The following PPP2R5D variants were observed in gnomAD, a reference collection of about 807,000 sequenced individuals.
PPP2R5D encodes protein phosphatase 2 regulatory subunit B'delta.
A neutral mutation model predicts 79.1 loss-of-function variants in PPP2R5D; 12 were observed. That is an observed-to-expected ratio of 0.15 (90% CI 0.10 to 0.25). The LOEUF (loss-of-function observed/expected upper bound fraction) is 0.25. Ranked by LOEUF, PPP2R5D falls within the 10% of genes least tolerant of loss-of-function variation. PPP2R5D has a pLI of 1.00. For missense variants in PPP2R5D, 419 were observed against 760.2 expected (o/e 0.55, Z 5.28); for synonymous variants, 277 against 286.6 (o/e 0.97, Z 0.34).
intron 2 of PPP2R5D, among the ~76,000 whole-genome samples, chr6:42,990,340 C>T (rs910981455): frequency 6.6e-6 from 1 of 152,158 alleles, no homozygotes; most frequent in Non-Finnish European, 1.5e-5. Flanking sequence ...AGCGAGCATC[C>T]ACCACATCCT....
chr6:42,998,011 T>TAATATATATA lies in PPP2R5D; in HGVS notation c.105+8323_105+8324insAATATATATA, dbSNP rs1189100610. On this transcript the variant is annotated intron_variant, in intron 2 of 15. Coordinates refer to ENST00000485511, the MANE Select transcript of PPP2R5D (RefSeq NM_006245.4). Reference sequence around the variant, plus strand: ...TTATTTATATTTGAATATTTGGGTTTTATTTATATATATATATATATATAT... The same window carrying TAATATATATA: ...TTATTTATATTTGAATATTTGGGTTTAATATATATATATTTATATATATATATATATATAT... Among the ~76,000 whole-genome samples the TAATATATATA allele has an allele frequency of 1.4e-4, 10 of 72,590 alleles. 1 individual carries two copies. Among genetic ancestry groups the TAATATATATA allele is most frequent in the African/African-American group, 8.5e-4 (10 of 11,764 alleles). The allele number at this position is 72,590 out of a possible 152,430, so 47.6% of individuals were successfully genotyped here.
At chr6:43,004,007 C>T (rs1581843914) in intron 2 of PPP2R5D, among the ~76,000 whole-genome samples, 1 of 151,212 alleles carries the variant, frequency 6.6e-6, no homozygotes, top group East Asian at 2.0e-4. Context: ...CGTGAGCCAC[C>T]GCGCCCGGCC....
In PPP2R5D at chr6:43,010,594, CT is replaced by C. The variant is rs762650778; in HGVS notation, c.1481+28del. 2.5e-6 allele frequency: 4 copies of C among 1,612,780 alleles called. No individual in the cohort carries two copies. In the African/African-American group the frequency reaches 4.0e-5, roughly 16 times the overall value. On this transcript the variant is annotated intron_variant, in intron 13 of 15. Coordinates refer to ENST00000485511, the MANE Select transcript of PPP2R5D (RefSeq NM_006245.4). This position sits in a 1 kb window ranked among gnomAD's most constrained non-coding sequence, Gnocchi z 4.7. ...AGTGAGTATCTCTCTCCCCGGGAGA[CT>C]TTCATCTTCTACCACCAGCTCACTG...
At chr6:42,993,124 C>G (rs368446457) in intron 2 of PPP2R5D, among the ~76,000 whole-genome samples, 3 of 152,148 alleles carry the variant, frequency 2.0e-5, no homozygotes, top group East Asian at 3.9e-4. Flanking sequence ...TAGTGAAACC[C>G]TGTCTCTACT....
Position 42,984,579 on chromosome 6 carries a change from A to G in PPP2R5D, c.-99A>G, listed in dbSNP as rs529134278. ...ACCGCTCGACCCGGGCGCAGCGCGC[A>G]GGCGGTGGCGAAGAGACGCCGAGCG... On this transcript the variant is annotated 5_prime_UTR_variant, in exon 1 of 16. Transcript: ENST00000485511. The G allele has an allele frequency of 2.7e-6, 4 of 1,464,158 alleles. No homozygotes were observed. Among genetic ancestry groups the G allele is most frequent in the Admixed American group, 5.6e-5 (2 of 35,906 alleles). The allele number at this position is 1,464,158 out of a possible 1,614,324, so 90.7% of individuals were successfully genotyped here.
chr6:42,992,209 G>A (rs879775568), intron 2 of PPP2R5D, among the ~76,000 whole-genome samples: 2 of 152,090 alleles, frequency 1.3e-5, no homozygotes, highest in Non-Finnish European at 1.5e-5. Flanking sequence ...ACAGGCTCCC[G>A]CCACCACGCC....
Position 43,011,634 on chromosome 6 carries a change from T to G in PPP2R5D, c.*348T>G. The G allele has an allele frequency of 3.6e-6, 1 of 276,840 alleles. No individual in the cohort carries two copies. The highest frequency in any genetic ancestry group is 6.9e-6 in the Non-Finnish European group (1 of 144,238). The allele number at this position is 276,840 out of a possible 1,614,324, so 17.1% of individuals were successfully genotyped here. A position where few individuals can be genotyped will look rare whatever the true frequency, so the allele number is the denominator to read the frequency against. ...ATACGCTCCTCTATTCTTCCCTTCATCCTCATTTGAACGCCAGGTATCTCC... is the reference window on the plus strand; with the variant it reads ...ATACGCTCCTCTATTCTTCCCTTCAGCCTCATTTGAACGCCAGGTATCTCC... On this transcript the variant is annotated 3_prime_UTR_variant, in exon 16 of 16. Transcript: ENST00000485511.
At chr6:42,998,640 G>A (rs1227265696) in intron 2 of PPP2R5D, among the ~76,000 whole-genome samples, 1 of 152,128 alleles carries the variant, frequency 6.6e-6, no homozygotes, top group East Asian at 1.9e-4. Context: ...GCTCACACCT[G>A]TAATCCCAGC....
rs776013892 is a variant in PPP2R5D at position 43,006,997 on chromosome 6, A to G, written c.409A>G (p.Ser137Gly). The change falls in exon 4 of 16, where the codon AGT becomes GGT. Residue 137 changes from serine to glycine, a missense_variant. This residue lies in a region of PPP2R5D where 29 missense variants were observed against 64.2 expected (regional missense o/e 0.45). Transcript: ENST00000485511. The surrounding 1 kb of genome is among the most constrained non-coding windows in gnomAD (Gnocchi z 4.7). ...VLFDFVSDPL[S>G]DLKFKEVKRA... ...CTTTGACTTCGTGTCAGACCCACTC[A>G]GTGACCTCAAATTCAAGGAGGTGAA... 5 of 1,614,166 alleles carry G rather than the reference A, an allele frequency of 3.1e-6. No homozygotes were observed. The highest frequency in any genetic ancestry group is 1.7e-5 in the Admixed American group (1 of 60,024).
In PPP2R5D at chr6:43,011,553, C is replaced by T; in HGVS notation, c.*267C>T. ...ACAACCTGGGGATGCCTGTCCCCTA[C>T]CTGCTCCTCACCCACAGCTACCTGA... On this transcript the variant is annotated 3_prime_UTR_variant, in exon 16 of 16. Transcript: ENST00000485511. 1 of 521,524 alleles carries T rather than the reference C, an allele frequency of 1.9e-6. No homozygotes were observed. Among genetic ancestry groups the T allele is most frequent in the Non-Finnish European group, 3.5e-6 (1 of 289,490 alleles). 32.3% of individuals were successfully genotyped at this position (521,524 alleles called of 1,614,324 possible). A position where few individuals can be genotyped will look rare whatever the true frequency, so the allele number is the denominator to read the frequency against.
Position 43,006,551 on chromosome 6 carries a change from C to T in PPP2R5D, c.194C>T (p.Pro65Leu). 6.2e-7 allele frequency: 1 copy of T among 1,614,170 alleles called. No homozygotes were observed. Among genetic ancestry groups the T allele is most frequent in the Non-Finnish European group, 8.5e-7 (1 of 1,180,042 alleles). Residue 65 changes from proline (P) to leucine (L), a missense_variant, in exon 3 of 16, where the codon CCC becomes CTC. This residue lies in a region of PPP2R5D where 110 missense variants were observed against 147.6 expected (regional missense o/e 0.75). Coordinates refer to ENST00000485511, the MANE Select transcript of PPP2R5D (RefSeq NM_006245.4). The surrounding 1 kb of genome is among the most constrained non-coding windows in gnomAD (Gnocchi z 4.7). The stretch of plus-strand genomic sequence containing the variant: ...AAGCGTCCCAGCAATAGCACGCCGC[C>T]CCCCACGCAGCTCAGCAAAATCAAG... ...SNKRPSNSTP[P>L]PTQLSKIKYS...
chr6:42,996,672 C>T lies in PPP2R5D; in HGVS notation c.105+6984C>T, dbSNP rs75004788. Among the ~76,000 whole-genome samples the T allele has an allele frequency of 5.7e-3, 862 of 152,246 alleles. 7 individuals are homozygous for T. Among genetic ancestry groups the T allele is most frequent in the African/African-American group, 0.02 (822 of 41,550 alleles). ...CTGTGAGCTCTTTGATGGCAAGGGC[C>T]ATGTCTTAGTCACCTTTTAATCTTT... is the stretch of plus-strand genomic sequence containing the variant. On this transcript the variant is annotated intron_variant, in intron 2 of 15. Coordinates refer to ENST00000485511, the MANE Select transcript of PPP2R5D (RefSeq NM_006245.4).
Position 43,012,332 on chromosome 6 carries a change from G to C in PPP2R5D, c.*1046G>C. On this transcript the variant is annotated 3_prime_UTR_variant, in exon 16 of 16. Transcript: ENST00000485511. The stretch of plus-strand genomic sequence containing the variant: ...ATATGTACAGAACTGAATAAAGTGG[G>C]TCTCTGAGAAGTCTGATGTGCCTTG... 6.8e-7 allele frequency: 1 copy of C among 1,471,946 alleles called. No homozygotes were observed. Among genetic ancestry groups the C allele is most frequent in the African/African-American group, 1.4e-5 (1 of 70,826 alleles). The allele number at this position is 1,471,946 out of a possible 1,614,324, so 91.2% of individuals were successfully genotyped here.
Position 43,011,404 on chromosome 6 carries a change from CAAGG to C in PPP2R5D, c.*119_*122del. 1 of 1,377,362 alleles carries C rather than the reference CAAGG, an allele frequency of 7.3e-7. No individual in the cohort carries two copies. The allele number at this position is 1,377,362 out of a possible 1,614,324, so 85.3% of individuals were successfully genotyped here. On this transcript the variant is annotated 3_prime_UTR_variant, in exon 16 of 16. Transcript: ENST00000485511. ...GGAAGGCAGCGCCTCTCTAGCTACT[CAAGG>C]GAGGGGGATGTGGGCACTTGAAGCA...
At chr6:43,001,746 G>C (rs1023741908) in intron 2 of PPP2R5D, among the ~76,000 whole-genome samples, 1 of 151,842 alleles carries the variant, frequency 6.6e-6, no homozygotes, top group Non-Finnish European at 1.5e-5. Flanking sequence ...AATTAGCCGG[G>C]CGTGGTGGCA....
intron 2 of PPP2R5D, among the ~76,000 whole-genome samples, chr6:42,995,978 C>T (rs190211236): frequency 0.016 from 2,404 of 149,702 alleles, 38 homozygotes; most frequent in Non-Finnish European, 0.024. Context: ...TCTCCTGCCT[C>T]AGCCTCCCGA....
chr6:42,998,359 C>T (rs1257474906), intron 2 of PPP2R5D, among the ~76,000 whole-genome samples: 1 of 151,854 alleles, frequency 6.6e-6, no homozygotes, highest in East Asian at 1.9e-4. Flanking sequence ...AGGCATGAGC[C>T]ACTGTGCCCA....
intron 2 of PPP2R5D, among the ~76,000 whole-genome samples, chr6:42,991,558 T>G (rs548964357): frequency 6.6e-6 from 1 of 152,294 alleles, no homozygotes; most frequent in African/African-American, 2.4e-5. Flanking sequence ...ATTCATTGTT[T>G]TATCGGCTGT....
At chr6:42,992,963 G>A (rs1771371337) in intron 2 of PPP2R5D, among the ~76,000 whole-genome samples, 1 of 150,832 alleles carries the variant, frequency 6.6e-6, no homozygotes, top group Non-Finnish European at 1.5e-5. Context: ...GAGTTTGAGA[G>A]CAGCGTGGCC....
Sources: gnomAD v4.1 joint callset for allele counts (sites outside exome capture counted in the v4.1 genomes callset) on GRCh38, gnomAD v4.1.1 for gene constraint, gnomAD v4.1.1 regional missense constraint, Gnocchi (gnomAD v3.1) non-coding constraint, MANE v1.5 for transcripts, NCBI Gene and HGNC (gene_info 2026-07-23, HGNC 2026-07-21) for gene names.